CENPO: variants seen among roughly 807,000 people sequenced by gnomAD.
CENPO encodes centromere protein O.
A neutral mutation model predicts 36.1 loss-of-function variants in CENPO; 30 were observed. That is an observed-to-expected ratio of 0.83 (90% confidence interval 0.62 to 1.13). The LOEUF is 1.13. Among genes scored for constraint, CENPO ranks in the 50% most tolerant of loss-of-function variants. The pLI is 0.00. For synonymous variants in CENPO, 171 were observed against 142.3 expected, an observed-to-expected ratio of 1.20 and a Z score of -1.44; for missense variants, 349 against 357.8, an observed-to-expected ratio of 0.98 and a Z score of 0.20.
At chr2:24,817,455 T>G (rs1205022466) in intron 6 of CENPO, among the ~76,000 whole-genome samples, 8 of 73,054 alleles carry the variant, frequency 1.1e-4, no homozygotes, top group African/African-American at 5.9e-5. Context: ...AGGGGCAGCC[T>G]TAGTCCAGAC....
At chr2:24,808,222 T>C (rs1385144292) in intron 3 of CENPO, among the ~76,000 whole-genome samples, 5 of 152,164 alleles carry the variant, frequency 3.3e-5, no homozygotes, top group Non-Finnish European at 7.4e-5. Context: ...TTTTTTTTAT[T>C]TTTTTTGTTT....
At chr2:24,795,797 G>A (rs1019820174) in intron 2 of CENPO, among the ~76,000 whole-genome samples, 1 of 152,114 alleles carries the variant, frequency 6.6e-6, no homozygotes, top group African/African-American at 2.4e-5. Context: ...GTGAGGACAG[G>A]GACTTCGTTT....
At chr2:24,797,893 T>A (rs1259960742) in intron 2 of CENPO, among the ~76,000 whole-genome samples, 1 of 152,132 alleles carries the variant, frequency 6.6e-6, no homozygotes, top group African/African-American at 2.4e-5. Context: ...GAAGTGAGTT[T>A]CAAGTGGGTT....
chr2:24,812,336 G>A (rs781494307), intron 3 of CENPO, among the ~76,000 whole-genome samples: 3 of 151,708 alleles, frequency 2.0e-5, no homozygotes, highest in Non-Finnish European at 2.9e-5. Flanking sequence ...CTTTTTCTTC[G>A]GGCTTAAGAT....
chr2:24,820,882 A>G lies in CENPO; in HGVS notation c.*1564A>G. The G allele has an allele frequency of 6.2e-7, 1 of 1,609,410 alleles. No homozygotes were observed. The highest frequency in any genetic ancestry group is 8.5e-7 in the Non-Finnish European group (1 of 1,177,104). On this transcript the variant is annotated 3_prime_UTR_variant, in exon 8 of 8. Coordinates refer to ENST00000380834, the MANE Select transcript of CENPO (RefSeq NM_001322101.2). ...GAGGCATAAAGTTCAGCACAGCCAC[A>G]GGCCACACCTTGTTATGGGCCTCAG...
At chr2:24,815,958 C>G (rs1666921945) in intron 5 of CENPO, 2 of 584,948 alleles carry the variant, frequency 3.4e-6, no homozygotes, top group South Asian at 4.1e-5. Context: ...AGCCTGGGTA[C>G]TGGTTAAAGG....
chr2:24,799,472 C>T (rs1408443192), intron 2 of CENPO, among the ~76,000 whole-genome samples: 5 of 152,086 alleles, frequency 3.3e-5, no homozygotes, highest in African/African-American at 7.2e-5. Context: ...TTACATCACT[C>T]TCCAACCTAG....
Position 24,817,600 on chromosome 2 carries a change from G to A in CENPO, c.767-70G>A. The A allele has an allele frequency of 6.3e-6, 10 of 1,595,408 alleles. 1 individual carries two copies. The highest frequency in any genetic ancestry group is 2.2e-5 in the South Asian group (2 of 89,518). On this transcript the variant is annotated intron_variant, in intron 6 of 7. Coordinates refer to ENST00000380834, the MANE Select transcript of CENPO (RefSeq NM_001322101.2). The stretch of plus-strand genomic sequence containing the variant: ...TCCCCCAGCTGCACTGAATGAGATT[G>A]AATATCAGTGATCCAGGCTCCGATT...
intron 3 of CENPO, among the ~76,000 whole-genome samples, chr2:24,806,159 A>G (rs1374700847): frequency 6.6e-6 from 1 of 152,214 alleles, no homozygotes; most frequent in African/African-American, 2.4e-5. Flanking sequence ...GCCGTTTGCT[A>G]AGACCGTTGG....
chr2:24,814,631 C>T, intron 4 of CENPO, 138 bp downstream of exon 4: 1 of 642,202 alleles, frequency 1.6e-6, no homozygotes, highest in Non-Finnish European at 2.8e-6. Context: ...CACACACACA[C>T]ACACACACAG....
Position 24,821,492 on chromosome 2 carries a change from G to A in CENPO, c.*2174G>A. The A allele has an allele frequency of 6.2e-7, 1 of 1,612,506 alleles. No homozygotes were observed. Among genetic ancestry groups the A allele is most frequent in the Non-Finnish European group, 8.5e-7 (1 of 1,179,146 alleles). On this transcript the variant is annotated 3_prime_UTR_variant, in exon 8 of 8. Transcript: ENST00000380834. ...CTGCATGGGAAGGGAGCCTGCTGCGGGGCAGGCCAGCTGGGGGTGCTCACC... is the reference window on the plus strand; with the variant it reads ...CTGCATGGGAAGGGAGCCTGCTGCGAGGCAGGCCAGCTGGGGGTGCTCACC...
Position 24,820,025 on chromosome 2 carries a change from C to T in CENPO, c.*707C>T. 1 of 1,611,462 alleles carries T rather than the reference C, an allele frequency of 6.2e-7. No individual in the cohort carries two copies. Among genetic ancestry groups the T allele is most frequent in the Non-Finnish European group, 8.5e-7 (1 of 1,178,802 alleles). On this transcript the variant is annotated 3_prime_UTR_variant, in exon 8 of 8. Coordinates refer to ENST00000380834, the MANE Select transcript of CENPO (RefSeq NM_001322101.2). ...CCCGCCCCTTCAAGAAGAAGGTCAG[C>T]AGCTCCCCCTTCCCCTTCACAAAGA...
At position 24,820,687 on chromosome 2, in the gene CENPO, G is replaced by A. The variant is rs757033933; in HGVS notation, c.*1369G>A. 2.7e-5 allele frequency: 43 copies of A among 1,612,634 alleles called. No individual in the cohort carries two copies. Among genetic ancestry groups the A allele is most frequent in the Non-Finnish European group, 3.4e-5 (40 of 1,179,204 alleles). ...ACTGTTCCGGTTTTGTTCTCATGCCGAGTCTGAGCACGTGCCAGCTGTGCC... is the reference window on the plus strand; with the variant it reads ...ACTGTTCCGGTTTTGTTCTCATGCCAAGTCTGAGCACGTGCCAGCTGTGCC... On this transcript the variant is annotated 3_prime_UTR_variant, in exon 8 of 8. Coordinates refer to ENST00000380834, the MANE Select transcript of CENPO (RefSeq NM_001322101.2).
rs921815412 is a variant in CENPO at position 24,821,049 on chromosome 2, C to G, written c.*1731C>G. On this transcript the variant is annotated 3_prime_UTR_variant, in exon 8 of 8. Transcript: ENST00000380834. ...GTGCTTGTTAGGTGTCAGCCGCCAC[C>G]CCCCCCCCATATGCAGATTTACTCG... The G allele has an allele frequency of 1.6e-6, 1 of 606,834 alleles. No individual in the cohort carries two copies. Among genetic ancestry groups the G allele is most frequent in the African/African-American group, 2.2e-5 (1 of 44,482 alleles). 37.6% of individuals were successfully genotyped at this position (606,834 alleles called of 1,614,324 possible).
chr2:24,820,772 G>T lies in CENPO; in HGVS notation c.*1454G>T, dbSNP rs1427403684. Reference sequence around the variant, plus strand: ...TGGACTCCATCCTGCTGGCTACATTGACTGTATTGCCCCAGATGTCGTAGT... The same window carrying T: ...TGGACTCCATCCTGCTGGCTACATTTACTGTATTGCCCCAGATGTCGTAGT... On this transcript the variant is annotated 3_prime_UTR_variant, in exon 8 of 8. Transcript: ENST00000380834. The T allele has an allele frequency of 6.2e-7, 1 of 1,613,964 alleles. No homozygotes were observed. Among genetic ancestry groups the T allele is most frequent in the Non-Finnish European group, 8.5e-7 (1 of 1,180,020 alleles).
At position 24,821,656 on chromosome 2, in the gene CENPO, G is replaced by A. The variant is rs368950806; in HGVS notation, c.*2338G>A. 24 of 1,612,906 alleles carry A rather than the reference G, an allele frequency of 1.5e-5. No individual in the cohort carries two copies. The highest frequency in any genetic ancestry group is 1.2e-4 in the African/African-American group (9 of 74,948). On this transcript the variant is annotated 3_prime_UTR_variant, in exon 8 of 8. Coordinates refer to ENST00000380834, the MANE Select transcript of CENPO (RefSeq NM_001322101.2). ...ACTTGTCTTCCTGTGCCAGGGGACC[G>A]TGGAGAAAGTGTCAGGGGCCGCTCA...
intron 3 of CENPO, among the ~76,000 whole-genome samples, chr2:24,800,491 A>C (rs2148257484): frequency 3.8e-5 from 3 of 78,600 alleles, no homozygotes; most frequent in South Asian, 5.4e-4. Flanking sequence ...CCCACCCCAC[A>C]ACAGGCCCCG....
intron 3 of CENPO, among the ~76,000 whole-genome samples, chr2:24,804,466 G>A (rs554582766): frequency 1.8e-4 from 27 of 152,174 alleles, no homozygotes; most frequent in East Asian, 5.8e-4. Flanking sequence ...GGCTGGTACC[G>A]GTTGTTCCTT....
chr2:24,810,985 C>T (rs1666648948), intron 3 of CENPO, among the ~76,000 whole-genome samples: 1 of 151,962 alleles, frequency 6.6e-6, no homozygotes, highest in Admixed American at 6.6e-5. Context: ...ACTCTGTCGC[C>T]CAGGCTGGAG....
Sources: allele counts gnomAD v4.1 joint callset (sites outside exome capture counted in the v4.1 genomes callset), GRCh38; gene constraint gnomAD v4.1.1; transcripts MANE v1.5; gene names NCBI Gene and HGNC (gene_info 2026-07-23, HGNC 2026-07-21).